The following HGFAC variants were observed in gnomAD, a reference collection of about 807,000 sequenced individuals.
HGFAC encodes HGF activator, also known as hepatocyte growth factor activator serine protease.
A neutral mutation model predicts 70.6 loss-of-function variants in HGFAC; 76 were observed. The ratio of observed to expected loss-of-function variants is 1.08; its 90% CI spans 0.89 to 1.30. HGFAC has a LOEUF of 1.30. Among genes scored for constraint, HGFAC ranks in the 50% most tolerant of loss-of-function variants. The probability of loss-of-function intolerance (pLI) is 0.00; values close to 1 mark genes in which losing one functional copy is unlikely to be tolerated. For missense variants in HGFAC, 1,044 were observed against 933.7 expected, an observed-to-expected ratio of 1.12 and a Z score of -1.54; for synonymous variants, 464 against 405.3, an observed-to-expected ratio of 1.14 and a Z score of -1.74.
At position 3,449,484 on chromosome 4, in the gene HGFAC, G is replaced by A; in HGVS notation, c.*65G>A. 2 of 1,447,896 alleles carry A rather than the reference G, an allele frequency of 1.4e-6. No homozygotes were observed. The highest frequency in any genetic ancestry group is 2.8e-5 in the South Asian group (2 of 70,460). The allele number at this position is 1,447,896 out of a possible 1,614,324, so 89.7% of individuals were successfully genotyped here. On this transcript the variant is annotated 3_prime_UTR_variant, in exon 14 of 14. Transcript: ENST00000382774. ...TTGCTGACAATAAAGATATTTCCAA[G>A]AACCCGGCCCACGCTGCCTGGCCCC...
chr4:3,445,907 G>A (rs746962267), intron 9 of HGFAC, 135 bp from the exon 10 acceptor site: 188 of 1,550,176 alleles, frequency 1.2e-4, no homozygotes, highest in Middle Eastern at 1.7e-4. Context: ...GTGAGTGGGC[G>A]CCAGGGCCTG....
chr4:3,447,448 T>C, intron 10 of HGFAC, 44 bp from the exon 11 acceptor site: 1 of 1,606,418 alleles, frequency 6.2e-7, no homozygotes, highest in Non-Finnish European at 8.5e-7. Context: ...GCCCGGTGGC[T>C]GGGGGAGGGC....
At chr4:3,442,144 G>A (rs751168213) in intron 1 of HGFAC, 26 bp downstream of exon 1, 163 of 1,516,632 alleles carry the variant, frequency 1.1e-4, no homozygotes, top group East Asian at 2.0e-4. Context: ...GTCGCAGTGC[G>A]ACCAGAGGTT....
At chr4:3,442,258 A>G in intron 1 of HGFAC, 140 bp downstream of exon 1, 1 of 639,624 alleles carries the variant, frequency 1.6e-6, no homozygotes, top group Non-Finnish European at 2.6e-6. Context: ...TTACGTTGAA[A>G]GCTGGCCCTC....
At chr4:3,447,864 A>C in intron 11 of HGFAC, 31 bp from the exon 12 acceptor site, 1 of 1,603,286 alleles carries the variant, frequency 6.2e-7, no homozygotes, top group South Asian at 1.1e-5. Flanking sequence ...CCCGCACACC[A>C]CAGGCTGACC....
In HGFAC at chr4:3,448,053, C is replaced by T. The variant is rs769697983; in HGVS notation, c.1636+18C>T. ...GGATGAGAGTGAGTTGGGAGGGGGG[C>T]GCCCAGCGCCCCGCCAGGGTGGACA... On this transcript the variant is annotated intron_variant, in intron 12 of 13. Coordinates refer to ENST00000382774, the MANE Select transcript of HGFAC (RefSeq NM_001528.4). 30 of 1,553,570 alleles carry T rather than the reference C, an allele frequency of 1.9e-5. No homozygotes were observed. The highest frequency in any genetic ancestry group is 1.7e-4 in the East Asian group (7 of 41,138).
chr4:3,444,928 G>A lies in HGFAC; in HGVS notation c.951G>A (p.Gln317=), dbSNP rs771061781. 2.5e-6 allele frequency: 4 copies of A among 1,609,522 alleles called. No homozygotes were observed. In the Admixed American group the frequency reaches 6.7e-5, roughly 27 times the overall value. The change falls in exon 8 of 14, where the codon CAG becomes CAA. Residue 317 remains glutamine, a synonymous_variant. Coordinates refer to ENST00000382774, the MANE Select transcript of HGFAC (RefSeq NM_001528.4). Reference sequence around the variant, plus strand: ...CCTGGAACTCCGATCTGCTCTACCAGGAGCTGCACGTGGACTCCGTGGGCG... The same window carrying A: ...CCTGGAACTCCGATCTGCTCTACCAAGAGCTGCACGTGGACTCCGTGGGCG... ...CLAWNSDLLY[Q]ELHVDSVGAA... is the part of the protein sequence containing the mutation.
intron 10 of HGFAC, among the ~76,000 whole-genome samples, chr4:3,446,699 A>T (rs1197437566): frequency 6.6e-6 from 1 of 152,152 alleles, no homozygotes; most frequent in African/African-American, 2.4e-5. Context: ...ACTGAGGCCC[A>T]GCCCACTCAG....
chr4:3,447,043 TC>T (rs1725534884), intron 10 of HGFAC, among the ~76,000 whole-genome samples: 1 of 152,248 alleles, frequency 6.6e-6, no homozygotes, highest in South Asian at 2.1e-4. Flanking sequence ...TGGAGCGACC[TC>T]CACACAGCAG....
At chr4:3,445,593 C>A (rs1348302438) in intron 9 of HGFAC, 1 of 604,350 alleles carries the variant, frequency 1.7e-6, no homozygotes, top group Non-Finnish European at 2.9e-6. Flanking sequence ...ACCTGCCCAG[C>A]CTGGACCATG....
chr4:3,444,373 C>T lies in HGFAC; in HGVS notation c.661C>T (p.Arg221Cys), dbSNP rs756956054. 18 of 1,603,024 alleles carry T rather than the reference C, an allele frequency of 1.1e-5. 1 individual carries two copies. The highest frequency in any genetic ancestry group is 9.0e-5 in the East Asian group (4 of 44,408). Reference protein sequence around the residue: ...LEGGDRWARVRQGHVEQCECF... With the variant: ...LEGGDRWARVCQGHVEQCECF... ...GGGGGGCGACCGCTGGGCCCGCGTG[C>T]GCCAGGGCCACGTGGAACAGTGCGA... Residue 221 changes from arginine (R) to cysteine (C), a missense_variant, in exon 6 of 14, where the codon CGC becomes TGC. Coordinates refer to ENST00000382774, the MANE Select transcript of HGFAC (RefSeq NM_001528.4).
At chr4:3,441,796 C>T, upstream of HGFAC, 1 of 501,816 alleles carries the variant, frequency 2.0e-6, no homozygotes, top group South Asian at 3.3e-5. This position sits in a 1 kb window ranked among gnomAD's most constrained non-coding sequence, Gnocchi z 6.0. Context: ...CAGGCCGAGG[C>T]CAGAGAGACA....
chr4:3,449,210 G>A (rs756416463), intron 13 of HGFAC, 27 bp from the exon 14 acceptor site: 1 of 1,600,164 alleles, frequency 6.2e-7, no homozygotes, highest in East Asian at 2.2e-5. Context: ...CCCTGGGAGG[G>A]TGGCTCTGAC....
Position 3,447,509 on chromosome 4 carries a change from T to A in HGFAC, c.1373T>A (p.Val458Asp), listed in dbSNP as rs1486977643. ...TTGCACAGCCCCCCCAGGGACAGCG[T>A]CTCCGTGGTGCTGGGCCAGCACTTC... is the stretch of plus-strand genomic sequence containing the variant. ...CFSHSPPRDSVSVVLGQHFFN... is the reference protein window; with the variant it reads ...CFSHSPPRDSDSVVLGQHFFN... Residue 458 changes from valine (V) to aspartate (D), a missense_variant, in exon 11 of 14, where the codon GTC (valine) becomes GAC (aspartate). Val to Asp is a radical substitution (Grantham distance 152, BLOSUM62 -3). Coordinates refer to ENST00000382774, the MANE Select transcript of HGFAC (RefSeq NM_001528.4). 6.2e-7 allele frequency: 1 copy of A among 1,612,572 alleles called. No individual in the cohort carries two copies. Among genetic ancestry groups the A allele is most frequent in the South Asian group, 1.1e-5 (1 of 91,050 alleles).
intron 9 of HGFAC, chr4:3,445,576 G>C: frequency 1.6e-6 from 1 of 606,172 alleles, no homozygotes; most frequent in Non-Finnish European, 2.9e-6. Flanking sequence ...GACGGCCTCG[G>C]GGTGGCACCT....
rs765450891 is a variant in HGFAC at position 3,444,686 on chromosome 4, CCG to C, written c.795_796del (p.Ala268LeufsTer15). 4.2e-5 allele frequency: 67 copies of C among 1,597,908 alleles called. No homozygotes were observed. In the East Asian group the frequency reaches 1.5e-3, roughly 35 times the overall value. ...CACCTGATCGTGGCCACCGGGACCA[CCG>C]TGTGTGCCTGCCCACCAGGCTTCGC... On this transcript the variant is annotated frameshift_variant, in exon 7 of 14. Transcript: ENST00000382774. LOFTEE classifies it high-confidence loss of function.
chr4:3,442,552 G>A (rs1035068254), intron 1 of HGFAC, among the ~76,000 whole-genome samples, 180 bp from the exon 2 acceptor site: 4 of 152,178 alleles, frequency 2.6e-5, no homozygotes, highest in Non-Finnish European at 4.4e-5. Flanking sequence ...ACTAGGGGCC[G>A]AGGGCGGGGA....
intron 1 of HGFAC, 38 bp downstream of exon 1, chr4:3,442,156 C>A (rs778299527): frequency 1.3e-6 from 2 of 1,484,942 alleles, no homozygotes; most frequent in South Asian, 2.5e-5. Context: ...CCAGAGGTTC[C>A]CAGTGGCTAC....
intron 2 of HGFAC, 40 bp downstream of exon 2, chr4:3,442,952 C>G: frequency 6.4e-7 from 1 of 1,560,414 alleles, no homozygotes; most frequent in East Asian, 2.3e-5. Context: ...CGTGCTTCAC[C>G]TTAGGGCTGG....
Sources: allele counts gnomAD v4.1 joint callset (sites outside exome capture counted in the v4.1 genomes callset), GRCh38; gene constraint gnomAD v4.1.1; non-coding constraint Gnocchi (gnomAD v3.1); transcripts MANE v1.5; gene names NCBI Gene and HGNC (gene_info 2026-07-23, HGNC 2026-07-21).